SEMA3A: variants seen among roughly 807,000 people sequenced by gnomAD.
SEMA3A encodes the protein semaphorin-3A.
Under a neutral mutation model 97.9 loss-of-function variants are expected in SEMA3A, and 29 were observed. The ratio of observed to expected loss-of-function variants is 0.30; its 90% CI spans 0.22 to 0.40. SEMA3A has a LOEUF of 0.40. SEMA3A is among the 10% of genes least tolerant of loss of function. The probability of loss-of-function intolerance (pLI) is 1.00; values close to 1 mark genes in which losing one functional copy is unlikely to be tolerated. For synonymous variants in SEMA3A, 321 were observed against 323.7 expected, an observed-to-expected ratio of 0.99 and a Z score of 0.09; for missense variants, 763 against 951.3, an observed-to-expected ratio of 0.80 and a Z score of 2.60.
At chr7:84,039,336 G>A (rs1292635005) in intron 6 of SEMA3A, among the ~76,000 whole-genome samples, 1 of 152,096 alleles carries the variant, frequency 6.6e-6, no homozygotes, top group Non-Finnish European at 1.5e-5. Context: ...TATAAACTGA[G>A]GCAGATTAAC....
At chr7:84,050,198 A>G (rs1792555284) in intron 5 of SEMA3A, among the ~76,000 whole-genome samples, 2 of 152,122 alleles carry the variant, frequency 1.3e-5, no homozygotes, top group Admixed American at 1.3e-4. Context: ...TCTTTATAGC[A>G]GCATGATTTA....
At chr7:84,399,807 C>A (rs956239742) in intron 1 of SEMA3A, among the ~76,000 whole-genome samples, 9 of 152,146 alleles carry the variant, frequency 5.9e-5, no homozygotes, top group African/African-American at 2.2e-4. Context: ...CTTTGGCAAG[C>A]TACAGTAATG....
chr7:84,133,955 G>A lies in SEMA3A; in HGVS notation c.270+839C>T, dbSNP rs538090156. On this transcript the variant is annotated intron_variant, in intron 2 of 16. Transcript: ENST00000265362. ...CAGGCACCTGTAGTCCCAGCTACTC[G>A]GGAGGCTGAGACAGGAGAATGGCGT... Among the ~76,000 whole-genome samples the A allele has an allele frequency of 2.6e-5, 4 of 151,370 alleles. No individual in the cohort carries two copies. The East Asian group carries it at 5.8e-4, about 22-fold the overall frequency.
intron 1 of SEMA3A, among the ~76,000 whole-genome samples, chr7:84,143,950 A>ACACACAC (rs1796387775): frequency 6.3e-5 from 6 of 94,650 alleles, no homozygotes; most frequent in South Asian, 3.7e-4. Context: ...CTCTCTCTCT[A>ACACACAC]ACACACACAC....
At chr7:84,191,303 T>G (rs897008133) in intron 1 of SEMA3A, among the ~76,000 whole-genome samples, 2 of 151,548 alleles carry the variant, frequency 1.3e-5, no homozygotes, top group African/African-American at 4.8e-5. Context: ...AAAGTGCTAT[T>G]TACTAAGTCC....
intron 4 of SEMA3A, among the ~76,000 whole-genome samples, chr7:84,100,468 G>C (rs1228724979): frequency 6.6e-6 from 1 of 152,116 alleles, no homozygotes; most frequent in Non-Finnish European, 1.5e-5. Flanking sequence ...AAGATACTGA[G>C]AGTAGCTACC....
intron 3 of SEMA3A, among the ~76,000 whole-genome samples, chr7:84,259,185 A>C (rs571971706): frequency 1.2e-4 from 18 of 152,224 alleles, no homozygotes; most frequent in Non-Finnish European, 1.9e-4. Flanking sequence ...AATAATTTCC[A>C]GCAACTTTTC....
intron 2 of SEMA3A, among the ~76,000 whole-genome samples, chr7:84,310,429 C>T (rs1189245027): frequency 6.6e-6 from 1 of 151,860 alleles, no homozygotes; most frequent in Non-Finnish European, 1.5e-5. Flanking sequence ...AAAGAGGTTC[C>T]ATTAGTGTCA....
intron 12 of SEMA3A, among the ~76,000 whole-genome samples, chr7:83,998,246 A>G (rs1157506837): frequency 2.0e-5 from 3 of 152,216 alleles, no homozygotes; most frequent in Non-Finnish European, 2.9e-5. Context: ...ACACTTACCT[A>G]CTACCTAGGC....
At chr7:84,325,587 T>C (rs1224836455) in intron 2 of SEMA3A, among the ~76,000 whole-genome samples, 1 of 151,958 alleles carries the variant, frequency 6.6e-6, no homozygotes, top group Non-Finnish European at 1.5e-5. Flanking sequence ...ATCAGCGATA[T>C]ATGAGGGAGT....
intron 12 of SEMA3A, among the ~76,000 whole-genome samples, chr7:83,997,467 G>A (rs949797971): frequency 2.0e-5 from 3 of 152,040 alleles, no homozygotes; most frequent in Non-Finnish European, 4.4e-5. Context: ...CACAATATAT[G>A]TATGAACTTT....
At chr7:84,170,158 A>T (rs1219583545) in intron 1 of SEMA3A, among the ~76,000 whole-genome samples, 1 of 151,994 alleles carries the variant, frequency 6.6e-6, no homozygotes, top group Non-Finnish European at 1.5e-5. Context: ...AAGTTATGGA[A>T]GATGAACACT....
intron 1 of SEMA3A, among the ~76,000 whole-genome samples, chr7:84,490,199 CAAAAA>C (rs35030948): frequency 4.0e-5 from 4 of 101,028 alleles, no homozygotes; most frequent in Non-Finnish European, 6.4e-5. Context: ...GCTTTTCCAG[CAAAAA>C]AAAAAAAAAA....
chr7:84,050,037 C>A (rs1289983091), intron 5 of SEMA3A, among the ~76,000 whole-genome samples: 1 of 151,512 alleles, frequency 6.6e-6, no homozygotes, highest in Admixed American at 6.6e-5. Flanking sequence ...CTACAAAGGA[C>A]ATGAACTCAT....
chr7:84,285,520 G>A (rs1451466732), intron 3 of SEMA3A, among the ~76,000 whole-genome samples: 8 of 152,028 alleles, frequency 5.3e-5, no homozygotes, highest in African/African-American at 1.7e-4. Context: ...TGTAAAGGCT[G>A]GTGATGCCAA....
At chr7:84,472,679 T>C (rs1806184541) in intron 1 of SEMA3A, among the ~76,000 whole-genome samples, 1 of 152,194 alleles carries the variant, frequency 6.6e-6, no homozygotes, top group African/African-American at 2.4e-5. Context: ...CACAGGATCA[T>C]ATTAGAGGAA....
intron 3 of SEMA3A, among the ~76,000 whole-genome samples, chr7:84,263,290 C>A (rs1275234577): frequency 6.6e-6 from 1 of 152,134 alleles, no homozygotes; most frequent in Non-Finnish European, 1.5e-5. Context: ...TACTTGAGGT[C>A]TGGAAGTCCC....
At chr7:84,079,242 A>G (rs1156288858) in intron 4 of SEMA3A, among the ~76,000 whole-genome samples, 1 of 152,116 alleles carries the variant, frequency 6.6e-6, no homozygotes, top group Non-Finnish European at 1.5e-5. Flanking sequence ...CTAAAACCAT[A>G]AAAACCCTAG....
chr7:84,247,480 A>G (rs556506674), intron 3 of SEMA3A, among the ~76,000 whole-genome samples: 3 of 152,176 alleles, frequency 2.0e-5, no homozygotes, highest in African/African-American at 7.2e-5. Context: ...TGGATAACAT[A>G]TGTAATTGGG....
Sources: gnomAD v4.1 joint callset for allele counts (sites outside exome capture counted in the v4.1 genomes callset) on GRCh38, gnomAD v4.1.1 for gene constraint, MANE v1.5 for transcripts, NCBI Gene and HGNC (gene_info 2026-07-23, HGNC 2026-07-21) for gene names.